The following DMD variants were observed in gnomAD, a reference collection of about 807,000 sequenced individuals.
DMD encodes the protein dystrophin.
Under a neutral mutation model 330.1 loss-of-function variants are expected in DMD, and 63 were observed. That is an observed-to-expected ratio of 0.19 (90% confidence interval 0.16 to 0.24). DMD has a LOEUF of 0.24. Among genes scored for constraint, DMD ranks in the 10% least tolerant of loss-of-function variants. DMD has a pLI of 1.00. For missense variants in DMD, 3,344 were observed against 2,684.1 expected (o/e 1.25, Z -5.43); for synonymous variants, 1,223 against 959.8 (o/e 1.27, Z -5.07).
At chrX:31,846,403 A>C (rs1216311472) in intron 48 of DMD, among the ~76,000 whole-genome samples, 3 of 106,611 alleles carry the variant, frequency 2.8e-5, no homozygotes, top group Non-Finnish European at 5.8e-5. Context: ...AAACAAATGA[A>C]TGGGAACGTT....
chrX:32,944,928 C>T (rs1479128420), intron 2 of DMD, among the ~76,000 whole-genome samples: 1 of 111,013 alleles, frequency 9.0e-6, no homozygotes, highest in African/African-American at 3.3e-5. Context: ...ATTAAACACT[C>T]TAATAGCTAC....
chrX:32,042,158 T>C (rs4829116), intron 44 of DMD, among the ~76,000 whole-genome samples: 4 of 60,835 alleles, frequency 6.6e-5, no homozygotes, highest in Non-Finnish European at 1.3e-4. Flanking sequence ...TACATACATA[T>C]ACACACATAT....
chrX:31,747,586 T>C (rs1416834507), intron 51 of DMD, among the ~76,000 whole-genome samples: 1 of 111,413 alleles, frequency 9.0e-6, no homozygotes, highest in Non-Finnish European at 1.9e-5. Context: ...GGAGCCCAGC[T>C]TGAGGGGGAG....
chrX:31,961,094 T>G (rs1444759137), intron 45 of DMD, among the ~76,000 whole-genome samples: 2 of 112,225 alleles, frequency 1.8e-5, no homozygotes, highest in African/African-American at 6.5e-5. Flanking sequence ...TACAAAATGT[T>G]TGAATCAAAG....
At chrX:32,303,052 T>C (rs1030906211) in intron 42 of DMD, among the ~76,000 whole-genome samples, 2 of 111,673 alleles carry the variant, frequency 1.8e-5, no homozygotes, top group Non-Finnish European at 3.8e-5. Flanking sequence ...TTTAATTATA[T>C]GTGGGTTCCC....
intron 63 of DMD, among the ~76,000 whole-genome samples, chrX:31,254,435 C>T (rs1055273056): frequency 3.7e-4 from 41 of 111,391 alleles, no homozygotes; most frequent in Non-Finnish European, 1.5e-4. Context: ...CGGCTCACTG[C>T]AGTCTCGTCC....
At chrX:31,450,211 T>C (rs1279408329) in intron 59 of DMD, among the ~76,000 whole-genome samples, 1 of 111,827 alleles carries the variant, frequency 8.9e-6, no homozygotes, top group African/African-American at 3.2e-5. Flanking sequence ...AATCATGTCC[T>C]ATAAATACTG....
chrX:32,878,078 G>A (rs763070490), intron 2 of DMD, among the ~76,000 whole-genome samples: 3 of 112,297 alleles, frequency 2.7e-5, no homozygotes, highest in Non-Finnish European at 5.6e-5. Flanking sequence ...ATTTCTATTT[G>A]AAAATACTAG....
intron 66 of DMD, among the ~76,000 whole-genome samples, chrX:31,204,715 CG>C (rs1347763167): frequency 8.9e-6 from 1 of 111,899 alleles, no homozygotes; most frequent in Non-Finnish European, 1.9e-5. Context: ...CTCTGCCTCC[CG>C]GGTTCAAGCC....
intron 2 of DMD, among the ~76,000 whole-genome samples, chrX:32,967,943 C>T (rs2092229692): frequency 8.9e-6 from 1 of 111,868 alleles, no homozygotes; most frequent in Non-Finnish European, 1.9e-5. Flanking sequence ...CAGCACTGTA[C>T]TTTGCACATC....
chrX:32,336,155 C>CTGTGTGTGTGTATAACATGTTATCTG (rs199730386), intron 41 of DMD, among the ~76,000 whole-genome samples: 1 of 108,782 alleles, frequency 9.2e-6, no homozygotes, highest in African/African-American at 3.4e-5. Flanking sequence ...AACATGTTAT[C>CTGTGTGTGTGTATAACATGTTATCTG]TGTGTGTGTA....
intron 2 of DMD, among the ~76,000 whole-genome samples, chrX:32,903,692 T>C (rs928344351): frequency 8.0e-5 from 9 of 111,845 alleles, no homozygotes; most frequent in African/African-American, 2.9e-4. Context: ...TGAACACTAA[T>C]CCTGGCAGTA....
At chrX:32,553,284 G>T (rs1030181808) in intron 16 of DMD, among the ~76,000 whole-genome samples, 1 of 111,402 alleles carries the variant, frequency 9.0e-6, no homozygotes, top group Non-Finnish European at 1.9e-5. Flanking sequence ...TGGAGCTGGA[G>T]GCCATTATCC....
At chrX:31,576,971 T>A (rs1276638071) in intron 55 of DMD, among the ~76,000 whole-genome samples, 1 of 111,166 alleles carries the variant, frequency 9.0e-6, no homozygotes, top group Non-Finnish European at 1.9e-5. Context: ...CGCCTCGGCC[T>A]CCCAAAGTGC....
intron 51 of DMD, among the ~76,000 whole-genome samples, chrX:31,767,202 G>A (rs999774871): frequency 2.8e-4 from 31 of 111,550 alleles, no homozygotes; most frequent in African/African-American, 9.4e-4. Flanking sequence ...TTTCTTAATT[G>A]GTATTTCTTA....
At chrX:31,441,710 C>T (rs1042379849) in intron 60 of DMD, among the ~76,000 whole-genome samples, 22 of 112,202 alleles carry the variant, frequency 2.0e-4, no homozygotes, top group Non-Finnish European at 1.9e-4. Flanking sequence ...TTGGATAATG[C>T]GTTAGCCTCA....
intron 53 of DMD, among the ~76,000 whole-genome samples, chrX:31,675,613 G>A (rs1255236862): frequency 9.9e-5 from 11 of 111,073 alleles, no homozygotes; most frequent in African/African-American, 1.3e-4. Flanking sequence ...TGCCTGCCTC[G>A]GCCTCCCAAA....
chrX:32,968,777 C>T (rs773555204), intron 2 of DMD, among the ~76,000 whole-genome samples: 57 of 108,951 alleles, frequency 5.2e-4, no homozygotes, highest in African/African-American at 1.8e-3. Flanking sequence ...CACCTGTAAT[C>T]CCAGCACTTT....
intron 1 of DMD, among the ~76,000 whole-genome samples, chrX:33,251,980 AG>A (rs2148898018): frequency 8.9e-6 from 1 of 112,677 alleles, no homozygotes; most frequent in African/African-American, 3.2e-5. Context: ...TGAAATAGAA[AG>A]CAATTTTATG....
Sources: allele counts gnomAD v4.1 joint callset (sites outside exome capture counted in the v4.1 genomes callset), GRCh38; gene constraint gnomAD v4.1.1; transcripts MANE v1.5; gene names NCBI Gene and HGNC (gene_info 2026-07-23, HGNC 2026-07-21).